Variants in MBOAT1 observed in about 807,000 individuals in gnomAD.
MBOAT1 encodes the protein membrane bound glycerophospholipid O-acyltransferase 1.
MBOAT1 carries 67 observed loss-of-function variants against 64.4 expected under a neutral mutation model. That is an observed-to-expected ratio of 1.04 (90% CI 0.85 to 1.27). MBOAT1 has a LOEUF of 1.27. MBOAT1 is among the 50% of genes most tolerant of loss of function. MBOAT1 has a pLI of 0.00. For synonymous variants in MBOAT1, 229 were observed against 218.9 expected (o/e 1.05, Z -0.41); for missense variants, 563 against 604.6 (o/e 0.93, Z 0.72).
intron 10 of MBOAT1, 84 bp from the exon 11 acceptor site, chr6:20,113,092 G>A (rs1760220292): frequency 6.7e-7 from 1 of 1,497,878 alleles, no homozygotes; most frequent in South Asian, 1.3e-5. Flanking sequence ...ATAAGACCAT[G>A]CAGAAAGCAT....
intron 12 of MBOAT1, 108 bp from the exon 13 acceptor site, chr6:20,102,520 AG>A: frequency 6.7e-6 from 6 of 889,188 alleles, no homozygotes; most frequent in Admixed American, 5.1e-5. Context: ...CGCTTTTGGC[AG>A]TAGGAGGCCT....
At chr6:20,106,625 T>A (rs1001435619) in intron 12 of MBOAT1, among the ~76,000 whole-genome samples, 1 of 152,198 alleles carries the variant, frequency 6.6e-6, no homozygotes, top group Admixed American at 6.5e-5. Context: ...GGTTTCACCA[T>A]GCTGGCCAGG....
At chr6:20,190,791 G>A (rs1024826002) in intron 1 of MBOAT1, among the ~76,000 whole-genome samples, 8 of 151,942 alleles carry the variant, frequency 5.3e-5, no homozygotes, top group Non-Finnish European at 1.2e-4. Flanking sequence ...AGATAGGTAG[G>A]GATATCAGGC....
intron 4 of MBOAT1, among the ~76,000 whole-genome samples, chr6:20,132,912 C>T (rs1233017001): frequency 1.3e-5 from 2 of 152,190 alleles, no homozygotes; most frequent in Non-Finnish European, 2.9e-5. Context: ...GTCAACGACA[C>T]TCATCCACTT....
Position 20,212,198 on chromosome 6 carries a change from G to A in MBOAT1, c.37C>T (p.Arg13Cys), listed in dbSNP as rs369038811. 6 of 1,613,222 alleles carry A rather than the reference G, an allele frequency of 3.7e-6. No individual in the cohort carries two copies. The African/African-American group carries it at 4.0e-5, about 11-fold the overall frequency. ...AEPQPSSLSYRTTGSTYLHPL... is the reference protein window; with the variant it reads ...AEPQPSSLSYCTTGSTYLHPL... ...TGCAGGTAGGTGGAGCCCGTGGTGC[G>A]GTAGGAAAGGCTGGACGGCTGCGGC... Residue 13 changes from arginine (R) to cysteine (C), a missense_variant, in exon 1 of 13, where the codon CGC becomes TGC. Physicochemically the swap from Arg to Cys is radical, Grantham distance 180. Coordinates refer to ENST00000324607, the MANE Select transcript of MBOAT1 (RefSeq NM_001080480.3).
chr6:20,108,551 T>C (rs1469148525), intron 12 of MBOAT1, among the ~76,000 whole-genome samples: 2 of 152,226 alleles, frequency 1.3e-5, no homozygotes, highest in African/African-American at 4.8e-5. Context: ...CTGATACACA[T>C]ATTGAGTAGT....
chr6:20,191,740 A>G (rs1303412661), intron 1 of MBOAT1, among the ~76,000 whole-genome samples: 1 of 152,228 alleles, frequency 6.6e-6, no homozygotes, highest in African/African-American at 2.4e-5. Context: ...GCTCGATATA[A>G]TAATATAGGA....
chr6:20,194,121 T>TC (rs1762887626), intron 1 of MBOAT1, among the ~76,000 whole-genome samples: 2 of 6,274 alleles, frequency 3.2e-4, no homozygotes, highest in African/African-American at 6.7e-4. Flanking sequence ...CAACCAGTGA[T>TC]CCAAAAAAAA....
At chr6:20,205,761 C>A (rs148698788) in intron 1 of MBOAT1, among the ~76,000 whole-genome samples, 1 of 152,098 alleles carries the variant, frequency 6.6e-6, no homozygotes, top group African/African-American at 2.4e-5. Context: ...CCAAAAGGCC[C>A]CCCCACCCAC....
chr6:20,118,476 A>G lies in MBOAT1; in HGVS notation c.972T>C (p.Cys324=), dbSNP rs768932565. Residue 324 remains cysteine, a synonymous_variant, in exon 9 of 13, where the codon TGT becomes TGC. Coordinates refer to ENST00000324607, the MANE Select transcript of MBOAT1 (RefSeq NM_001080480.3). Reference sequence around the variant, plus strand: ...TGTTTAGGTTCGAAAGCAGATCCCAACAGAAATTCCCATTCTTATCCACTC... The same window carrying G: ...TGTTTAGGTTCGAAAGCAGATCCCAGCAGAAATTCCCATTCTTATCCACTC... ...FSGVDKNGNF[C]WDLLSNLNIW... 6.2e-7 allele frequency: 1 copy of G among 1,614,082 alleles called. No homozygotes were observed. The highest frequency in any genetic ancestry group is 1.3e-5 in the African/African-American group (1 of 75,054).
chr6:20,161,829 G>A (rs1055044527), intron 1 of MBOAT1, among the ~76,000 whole-genome samples: 4 of 152,144 alleles, frequency 2.6e-5, no homozygotes, highest in African/African-American at 9.7e-5. Context: ...CTTAGTAGTG[G>A]CCTGTATTCA....
intron 9 of MBOAT1, among the ~76,000 whole-genome samples, chr6:20,118,135 T>C (rs1458575873): frequency 6.6e-6 from 1 of 152,208 alleles, no homozygotes; most frequent in African/African-American, 2.4e-5. Flanking sequence ...ACACTGGTAC[T>C]TTCTAGTTGA....
chr6:20,155,664 C>G (rs1176807669), intron 1 of MBOAT1, among the ~76,000 whole-genome samples: 2 of 152,118 alleles, frequency 1.3e-5, no homozygotes, highest in African/African-American at 4.8e-5. Context: ...AAGCCAAAAC[C>G]TAATTCAGAG....
intron 9 of MBOAT1, among the ~76,000 whole-genome samples, chr6:20,117,550 TG>T (rs1220382155): frequency 6.6e-6 from 1 of 152,302 alleles, no homozygotes; most frequent in East Asian, 1.9e-4. Flanking sequence ...AGGCAAAAGA[TG>T]TTGGGGGCTT....
chr6:20,129,095 T>A (rs1323504297), intron 5 of MBOAT1, among the ~76,000 whole-genome samples: 2 of 152,106 alleles, frequency 1.3e-5, no homozygotes, highest in Non-Finnish European at 2.9e-5. Context: ...CCCTGATACA[T>A]CAGAGAGAGC....
chr6:20,170,185 C>T (rs1374485409), intron 1 of MBOAT1, among the ~76,000 whole-genome samples: 4 of 152,194 alleles, frequency 2.6e-5, no homozygotes, highest in African/African-American at 9.7e-5. Flanking sequence ...TCTGCTATGC[C>T]ATGTTACATG....
chr6:20,208,461 CTT>C (rs1491511415), intron 1 of MBOAT1, among the ~76,000 whole-genome samples: 62 of 45,188 alleles, frequency 1.4e-3, no homozygotes, highest in Admixed American at 3.5e-3. Context: ...AAAAAAGAAA[CTT>C]TGTAGTCATG....
intron 1 of MBOAT1, among the ~76,000 whole-genome samples, chr6:20,192,968 T>C (rs1006891924): frequency 6.6e-6 from 1 of 150,962 alleles, no homozygotes; most frequent in Non-Finnish European, 1.5e-5. Flanking sequence ...CTTTGTCTAC[T>C]TTTATTCAGC....
chr6:20,151,219 T>C lies in MBOAT1; in HGVS notation c.289A>G (p.Ile97Val), dbSNP rs143010805. ...LFVLVLMCYAIMVTASVSNIH... is the reference protein window; with the variant it reads ...LFVLVLMCYAVMVTASVSNIH... Reference sequence around the variant, plus strand: ...TTGGATACACTAGCAGTGACCATGATTGCATAGCACATTAACACCAGCACA... The same window carrying C: ...TTGGATACACTAGCAGTGACCATGACTGCATAGCACATTAACACCAGCACA... The change falls in exon 3 of 13, where the codon ATC becomes GTC. Residue 97 changes from isoleucine to valine, a missense_variant. Transcript: ENST00000324607. 4.6e-5 allele frequency: 75 copies of C among 1,613,594 alleles called. No homozygotes were observed. The African/African-American group carries it at 9.7e-4, about 21-fold the overall frequency.
Sources: gnomAD v4.1 joint callset for allele counts (sites outside exome capture counted in the v4.1 genomes callset) on GRCh38, gnomAD v4.1.1 for gene constraint, MANE v1.5 for transcripts, NCBI Gene and HGNC (gene_info 2026-07-23, HGNC 2026-07-21) for gene names.